The following SPHKAP variants were observed in gnomAD, a reference collection of about 807,000 sequenced individuals.
SPHKAP encodes the protein A-kinase anchor protein SPHKAP.
Under a neutral mutation model 137.5 loss-of-function variants are expected in SPHKAP, and 67 were observed. That is an observed-to-expected ratio of 0.49 (90% CI 0.40 to 0.60). The LOEUF (loss-of-function observed/expected upper bound fraction) is 0.60, where lower values mean the gene tolerates loss of function less well. Among genes scored for constraint, SPHKAP ranks in the 20% least tolerant of loss-of-function variants. The probability of loss-of-function intolerance (pLI) is 0.00; values close to 1 mark genes in which losing one functional copy is unlikely to be tolerated. For missense variants in SPHKAP, 2,097 were observed against 2,069.3 expected (o/e 1.01, Z -0.26); for synonymous variants, 813 against 785.3 (o/e 1.04, Z -0.59).
intron 2 of SPHKAP, among the ~76,000 whole-genome samples, chr2:228,126,200 AT>A (rs1426007607): frequency 8.5e-5 from 13 of 152,136 alleles, no homozygotes; most frequent in African/African-American, 3.1e-4. Context: ...GCTCTTTTCC[AT>A]TTTTTCTTAT....
Position 228,155,989 on chromosome 2 carries a change from T to C in SPHKAP, c.33-23904A>G, listed in dbSNP as rs187115208. 6.8e-4 allele frequency among the ~76,000 whole-genome samples: 103 copies of C among 152,252 alleles called. 2 individuals are homozygous for C. In the East Asian group the frequency reaches 0.016, roughly 23 times the overall value. ...TTTATTAGCCAGCTTCTAGGCAGAG[T>C]GGAACTGAATGTGTCCTATATAGAA... On this transcript the variant is annotated intron_variant, in intron 1 of 11. Transcript: ENST00000392056.
Position 227,991,324 on chromosome 2 carries a change from T to C in SPHKAP, c.4724A>G (p.Glu1575Gly), listed in dbSNP as rs775285111. 19 of 1,614,168 alleles carry C rather than the reference T, an allele frequency of 1.2e-5. 1 individual carries two copies. The South Asian group carries it at 2.1e-4, about 18-fold the overall frequency. ...AAGAATCTTCTTTTCTTCTACTAAT[T>C]CACTTTGGGAGAAAACAACAGTATA... is the stretch of plus-strand genomic sequence containing the variant. ...ESMPSSPMIN[E>G]LVEEKKILKG... is the part of the protein sequence containing the mutation. Residue 1575 changes from glutamate to glycine, a missense_variant and splice_region_variant, in exon 10 of 12, where the codon GAA becomes GGA. Glu to Gly is a moderately conservative substitution (Grantham distance 98). Coordinates refer to ENST00000392056, the MANE Select transcript of SPHKAP (RefSeq NM_001142644.2).
intron 3 of SPHKAP, among the ~76,000 whole-genome samples, chr2:228,092,560 G>T (rs1428107871): frequency 9.6e-6 from 1 of 103,794 alleles, no homozygotes; most frequent in Non-Finnish European, 2.1e-5. Context: ...ATGTGTATAT[G>T]TGCCATATAT....
chr2:228,118,207 G>A (rs1383358357), intron 2 of SPHKAP, among the ~76,000 whole-genome samples: 1 of 141,506 alleles, frequency 7.1e-6, no homozygotes, highest in East Asian at 2.0e-4. Context: ...TTCTTTTATT[G>A]CTGAGTAGCA....
chr2:228,027,380 A>G, intron 4 of SPHKAP, 104 bp downstream of exon 4: 8 of 1,185,194 alleles, frequency 6.7e-6, no homozygotes, highest in Non-Finnish European at 9.9e-6. Flanking sequence ...TAATGAAACT[A>G]TCTAACTAAA....
intron 3 of SPHKAP, among the ~76,000 whole-genome samples, chr2:228,032,656 C>T (rs761871315): frequency 6.6e-6 from 1 of 152,104 alleles, no homozygotes; most frequent in Non-Finnish European, 1.5e-5. Flanking sequence ...AAAGGGAAGC[C>T]CATCAGACTA....
intron 1 of SPHKAP, among the ~76,000 whole-genome samples, chr2:228,179,222 C>T (rs1465720842): frequency 6.6e-6 from 1 of 151,894 alleles, no homozygotes; most frequent in Non-Finnish European, 1.5e-5. Context: ...TATTAGATAC[C>T]AAAAATGTTT....
At chr2:228,105,143 A>T (rs554888679) in intron 3 of SPHKAP, among the ~76,000 whole-genome samples, 1 of 152,202 alleles carries the variant, frequency 6.6e-6, no homozygotes, top group Non-Finnish European at 1.5e-5. Context: ...TAAGTTTTAA[A>T]TTGTATGTAG....
intron 2 of SPHKAP, among the ~76,000 whole-genome samples, chr2:228,117,290 A>G (rs1368594806): frequency 6.6e-6 from 1 of 152,130 alleles, no homozygotes; most frequent in Non-Finnish European, 1.5e-5. Context: ...TAACTTTCGA[A>G]TGAGACACAA....
At chr2:228,155,790 C>G (rs1186408234) in intron 1 of SPHKAP, among the ~76,000 whole-genome samples, 1 of 152,170 alleles carries the variant, frequency 6.6e-6, no homozygotes, top group Non-Finnish European at 1.5e-5. Flanking sequence ...TCCAAAAGTG[C>G]TATACATATA....
intron 2 of SPHKAP, among the ~76,000 whole-genome samples, chr2:228,127,183 C>T (rs770913198): frequency 6.6e-6 from 1 of 152,268 alleles, no homozygotes; most frequent in African/African-American, 2.4e-5. Context: ...TGTAACTGTC[C>T]TTGTTCTTTT....
chr2:228,000,292 C>T (rs1320806531), intron 7 of SPHKAP, among the ~76,000 whole-genome samples: 1 of 151,512 alleles, frequency 6.6e-6, no homozygotes, highest in Non-Finnish European at 1.5e-5. Flanking sequence ...CCAGCCTAGC[C>T]AACATGGTGA....
At chr2:227,998,074 T>G (rs2106172559) in intron 7 of SPHKAP, among the ~76,000 whole-genome samples, 1 of 152,318 alleles carries the variant, frequency 6.6e-6, no homozygotes, top group South Asian at 2.1e-4. Context: ...TAGCATGATC[T>G]CAGCTCACTG....
intron 1 of SPHKAP, among the ~76,000 whole-genome samples, chr2:228,170,184 A>G (rs1700542833): frequency 6.6e-6 from 1 of 152,144 alleles, no homozygotes; most frequent in Admixed American, 6.6e-5. Flanking sequence ...ACAAATGAGG[A>G]AGTGCTTCTT....
intron 3 of SPHKAP, among the ~76,000 whole-genome samples, chr2:228,060,335 AATT>A (rs1696592353): frequency 1.3e-5 from 2 of 152,204 alleles, no homozygotes; most frequent in African/African-American, 4.8e-5. Flanking sequence ...GGTTTGCTAA[AATT>A]ATGGGGTCAG....
intron 8 of SPHKAP, among the ~76,000 whole-genome samples, 154 bp downstream of exon 8, chr2:227,995,355 T>C (rs1052910146): frequency 2.0e-5 from 3 of 152,216 alleles, no homozygotes; most frequent in African/African-American, 7.2e-5. Context: ...GCACAAATCA[T>C]GACAGGCAGG....
At chr2:228,035,714 C>T (rs1695561755) in intron 3 of SPHKAP, among the ~76,000 whole-genome samples, 1 of 152,074 alleles carries the variant, frequency 6.6e-6, no homozygotes, top group South Asian at 2.1e-4. Context: ...ACAGAGCCCT[C>T]AGAAATAATG....
intron 1 of SPHKAP, among the ~76,000 whole-genome samples, chr2:228,144,312 C>T (rs7557189): frequency 0.043 from 6,580 of 152,196 alleles, 466 homozygotes; most frequent in African/African-American, 0.15. Context: ...TGCTCCCACC[C>T]CATGCTCTAT....
intron 3 of SPHKAP, among the ~76,000 whole-genome samples, chr2:228,074,252 T>C (rs1368416371): frequency 1.3e-5 from 2 of 152,212 alleles, no homozygotes; most frequent in Non-Finnish European, 2.9e-5. Flanking sequence ...GGTTATAAAT[T>C]GACATAATTC....
Sources: allele counts gnomAD v4.1 joint callset (sites outside exome capture counted in the v4.1 genomes callset), GRCh38; gene constraint gnomAD v4.1.1; transcripts MANE v1.5; gene names NCBI Gene and HGNC (gene_info 2026-07-23, HGNC 2026-07-21).